PDE1A: variants seen among roughly 807,000 people sequenced by gnomAD.
The protein encoded by PDE1A is phosphodiesterase 1A.
Under a neutral mutation model 61.7 loss-of-function variants are expected in PDE1A, and 35 were observed. The ratio of observed to expected loss-of-function variants is 0.57; its 90% CI spans 0.43 to 0.75. PDE1A has a LOEUF of 0.75. PDE1A is among the 30% of genes least tolerant of loss of function. PDE1A has a pLI of 0.00. For missense variants in PDE1A, 597 were observed against 630.6 expected (o/e 0.95, Z 0.57); for synonymous variants, 232 against 213.2 (o/e 1.09, Z -0.77).
chr2:182,527,954 T>A (rs1406567380), upstream of PDE1A, among the ~76,000 whole-genome samples: 6 of 152,156 alleles, frequency 3.9e-5, no homozygotes. Context: ...TGTGGAACTG[T>A]GAGTCCATTA....
At chr2:182,472,974 T>C (rs1687129916) in intron 2 of PDE1A, among the ~76,000 whole-genome samples, 1 of 151,600 alleles carries the variant, frequency 6.6e-6, no homozygotes, top group Admixed American at 6.6e-5. Context: ...ATTTTATTGT[T>C]ATTATACTTT....
chr2:182,377,194 G>A (rs1479498676), intron 1 of PDE1A, among the ~76,000 whole-genome samples: 3 of 152,194 alleles, frequency 2.0e-5, no homozygotes, highest in Admixed American at 2.0e-4. Context: ...GGGGCCTAGT[G>A]AGAAGTATTT....
At chr2:182,252,928 T>C (rs538359252) in intron 2 of PDE1A, among the ~76,000 whole-genome samples, 1 of 152,178 alleles carries the variant, frequency 6.6e-6, no homozygotes, top group Non-Finnish European at 1.5e-5. Context: ...TATATAAATA[T>C]AGTAAAGAAT....
intron 1 of PDE1A, among the ~76,000 whole-genome samples, chr2:182,308,069 T>C (rs1209188632): frequency 6.6e-6 from 1 of 152,134 alleles, no homozygotes; most frequent in Non-Finnish European, 1.5e-5. Context: ...AAATTGAATT[T>C]GAAAAATAAT....
chr2:182,701,989 C>A, the PDE1A span, among the ~76,000 whole-genome samples: 1 of 152,140 alleles, frequency 6.6e-6, no homozygotes, highest in Non-Finnish European at 1.5e-5. Context: ...GCTCTAGATT[C>A]TAGGTTTCTC....
intron 1 of PDE1A, among the ~76,000 whole-genome samples, chr2:182,387,946 A>G (rs1433298687): frequency 6.6e-6 from 1 of 152,182 alleles, no homozygotes; most frequent in African/African-American, 2.4e-5. Flanking sequence ...CGCATACTTC[A>G]ACTGTAAGGA....
chr2:182,709,020 T>C, the PDE1A span, among the ~76,000 whole-genome samples: 1 of 152,188 alleles, frequency 6.6e-6, no homozygotes, highest in Non-Finnish European at 1.5e-5. Flanking sequence ...TCCTATGTCA[T>C]CTATTTACAT....
chr2:182,626,170 T>A, the PDE1A span, among the ~76,000 whole-genome samples: 1 of 152,182 alleles, frequency 6.6e-6, no homozygotes, highest in Non-Finnish European at 1.5e-5. Context: ...TTTGCTCCCA[T>A]GAATTTCCAA....
chr2:182,498,358 T>A lies in PDE1A; in HGVS notation c.101+23918A>T, dbSNP rs1007895175. Among the ~76,000 whole-genome samples, 9 of 152,004 alleles carry A rather than the reference T, an allele frequency of 5.9e-5. No individual in the cohort carries two copies. The South Asian group carries it at 1.0e-3, about 18-fold the overall frequency. On this transcript the variant is annotated intron_variant, in intron 2 of 14. Transcript: ENST00000410103. Reference sequence around the variant, plus strand: ...AAGAATGGAATGCTACAAATAAGAATCAAAGTAAGAATGTTATCAGGTCTC... The same window carrying A: ...AAGAATGGAATGCTACAAATAAGAAACAAAGTAAGAATGTTATCAGGTCTC...
intron 2 of PDE1A, among the ~76,000 whole-genome samples, chr2:182,449,503 C>A (rs1685372596): frequency 6.6e-6 from 1 of 151,956 alleles, no homozygotes; most frequent in Admixed American, 6.6e-5. Context: ...TACTCCTTCA[C>A]CAAAGGAGGG....
At chr2:182,450,556 T>TTA (rs1553621006) in intron 2 of PDE1A, among the ~76,000 whole-genome samples, 2 of 148,360 alleles carry the variant, frequency 1.3e-5, no homozygotes, top group Admixed American at 1.3e-4. Flanking sequence ...AATGTTTTCA[T>TTA]AAAAAAAAAA....
the PDE1A span, among the ~76,000 whole-genome samples, chr2:182,709,653 A>C: frequency 6.6e-6 from 1 of 152,218 alleles, no homozygotes. Flanking sequence ...CATTTCTCCA[A>C]ATGAAACTGA....
At chr2:182,393,151 A>G (rs1701513998) in intron 1 of PDE1A, among the ~76,000 whole-genome samples, 1 of 152,250 alleles carries the variant, frequency 6.6e-6, no homozygotes, top group Non-Finnish European at 1.5e-5. Context: ...TGGACATCCA[A>G]GCATTTCCAT....
chr2:182,640,646 T>C, the PDE1A span, among the ~76,000 whole-genome samples: 1 of 152,088 alleles, frequency 6.6e-6, no homozygotes, highest in Non-Finnish European at 1.5e-5. Context: ...GTAGGATCGA[T>C]ACTGTAAGAC....
Position 182,201,249 on chromosome 2 carries a change from T to A in PDE1A, c.1125+190A>T, listed in dbSNP as rs1056064384. ...CCAAAATTTGAATCTCTTTAAAACA[T>A]GTATCACACTACATAGACTTAATAC... On this transcript the variant is annotated intron_variant, in intron 10 of 13. Transcript: ENST00000351439. Among the ~76,000 whole-genome samples the A allele has an allele frequency of 1.3e-5, 2 of 152,294 alleles. 1 individual carries two copies. Among genetic ancestry groups the A allele is most frequent in the South Asian group, 4.1e-4 (2 of 4,828 alleles).
the PDE1A span, among the ~76,000 whole-genome samples, chr2:182,693,736 T>A: frequency 6.8e-6 from 1 of 147,056 alleles, no homozygotes; most frequent in Non-Finnish European, 1.5e-5. Flanking sequence ...AGCCTCCACC[T>A]CCCAGATTCA....
chr2:182,669,416 C>T, the PDE1A span, among the ~76,000 whole-genome samples: 1 of 152,178 alleles, frequency 6.6e-6, no homozygotes, highest in Non-Finnish European at 1.5e-5. Flanking sequence ...ATATTCCCAC[C>T]AGTCAAGGAA....
At chr2:182,527,303 T>TAAA (rs869281717), upstream of PDE1A, among the ~76,000 whole-genome samples, 41 of 22,832 alleles carry the variant, frequency 1.8e-3, 2 homozygotes, top group Non-Finnish European at 2.3e-3. Context: ...CCTTTCTCTA[T>TAAA]AAAAAAAAAA....
intron 1 of PDE1A, chr2:182,314,174 C>G (rs569833136): frequency 6.6e-6 from 1 of 152,128 alleles, no homozygotes; most frequent in Admixed American, 6.5e-5. Context: ...AATTATGATA[C>G]ACCAATACAG....
Sources: gnomAD v4.1 joint callset for allele counts (sites outside exome capture counted in the v4.1 genomes callset) on GRCh38, gnomAD v4.1.1 for gene constraint, MANE v1.5 for transcripts, NCBI Gene and HGNC (gene_info 2026-07-23, HGNC 2026-07-21) for gene names.